CDT1: variants seen among roughly 807,000 people sequenced by gnomAD.
The protein encoded by CDT1 is DNA replication factor Cdt1.
Under a neutral mutation model 49.3 loss-of-function variants are expected in CDT1, and 66 were observed. That is an observed-to-expected ratio of 1.34 (90% CI 1.10 to 1.64). The LOEUF is 1.64. Among genes scored for constraint, CDT1 ranks in the 40% most tolerant of loss-of-function variants. The pLI is 0.00. For missense variants in CDT1, 958 were observed against 807.7 expected (o/e 1.19, Z -2.26); for synonymous variants, 424 against 347.4 (o/e 1.22, Z -2.45).
rs777208715 is a variant in CDT1 at position 88,806,038 on chromosome 16, C to G, written c.850C>G (p.Pro284Ala). The G allele has an allele frequency of 1.3e-6, 2 of 1,593,084 alleles. No individual in the cohort carries two copies. The highest frequency in any genetic ancestry group is 3.5e-5 in the Admixed American group (2 of 57,796). The change falls in exon 6 of 10, where the codon CCC (proline) becomes GCC (alanine). Residue 284 changes from proline (P) to alanine (A), a missense_variant. Pro to Ala is a conservative substitution (Grantham distance 27). Transcript: ENST00000301019. ...LLEQEADGAA[P>A]QLTASRLLQR... is the part of the protein sequence containing the mutation. Reference sequence around the variant, plus strand: ...TCCCACAGAGGCTGACGGAGCAGCCCCCCAGCTCACGGCCTCGCGCCTCCT... The same window carrying G: ...TCCCACAGAGGCTGACGGAGCAGCCGCCCAGCTCACGGCCTCGCGCCTCCT...
At chr16:88,805,919 T>C in intron 5 of CDT1, 50 bp downstream of exon 5, 2 of 1,605,084 alleles carry the variant, frequency 1.2e-6, no homozygotes, top group Non-Finnish European at 8.5e-7. Flanking sequence ...AGCCGCACAG[T>C]TTCCAGGGTG....
Position 88,807,134 on chromosome 16 carries a change from CCCA to C in CDT1, c.1210_1212del (p.Pro404del), listed in dbSNP as rs1423986989. ...CTCCCAGGCCAGCACTGCCGGCTAC[CCCA>C]CCAGCCACCCCGCCTGCAGCCTCTC... On this transcript the variant is annotated inframe_deletion, in exon 8 of 10. Coordinates refer to ENST00000301019, the MANE Select transcript of CDT1 (RefSeq NM_030928.4). 13 of 1,612,448 alleles carry C rather than the reference CCCA, an allele frequency of 8.1e-6. No individual in the cohort carries two copies. In the Admixed American group the frequency reaches 1.0e-4, roughly 12 times the overall value.
rs1272433692 is a variant in CDT1, at chr16:88,805,735, A to G, written c.698A>G (p.Glu233Gly). The change falls in exon 5 of 10, where the codon GAG (glutamate) becomes GGG (glycine). Residue 233 changes from glutamate to glycine, a missense_variant. Physicochemically the swap from Glu to Gly is moderately conservative, Grantham distance 98. Transcript: ENST00000301019. ...VQDMMRRRFE[E>G]CNVGQIKTVY... The stretch of plus-strand genomic sequence containing the variant: ...CCATCCTCCCATAGGCGTTTTGAGG[A>G]GTGCAATGTTGGCCAGATCAAAACC... 2 of 1,612,916 alleles carry G rather than the reference A, an allele frequency of 1.2e-6. No homozygotes were observed. Among genetic ancestry groups the G allele is most frequent in the Middle Eastern group, 1.7e-4 (1 of 6,058 alleles).
rs747863747 is a variant in CDT1 at position 88,806,140 on chromosome 16, C to G, written c.933+19C>G. ...CCACAAGGTGAGCGGCCCCCGGCCC[C>G]GCTGTGTGAAGATGGTGGCACCAGC... On this transcript the variant is annotated intron_variant, in intron 6 of 9. Transcript: ENST00000301019. 5 of 1,567,718 alleles carry G rather than the reference C, an allele frequency of 3.2e-6. No homozygotes were observed. The South Asian group carries it at 5.7e-5, about 18-fold the overall frequency.
chr16:88,806,112 G>A lies in CDT1; in HGVS notation c.924G>A (p.Glu308=), dbSNP rs1243343577. ...FSQKLVEHVK[E]HHKAFLASLS... Reference sequence around the variant, plus strand: ...AGAAGCTGGTGGAGCATGTCAAGGAGCACCACAAGGTGAGCGGCCCCCGGC... The same window carrying A: ...AGAAGCTGGTGGAGCATGTCAAGGAACACCACAAGGTGAGCGGCCCCCGGC... Residue 308 remains glutamate (E), a synonymous_variant, in exon 6 of 10, where the codon GAG becomes GAA. Coordinates refer to ENST00000301019, the MANE Select transcript of CDT1 (RefSeq NM_030928.4). 4.4e-6 allele frequency: 7 copies of A among 1,598,112 alleles called. No homozygotes were observed. Among genetic ancestry groups the A allele is most frequent in the Non-Finnish European group, 5.1e-6 (6 of 1,177,078 alleles).
chr16:88,806,173 C>T, intron 6 of CDT1, 52 bp downstream of exon 6: 2 of 1,422,044 alleles, frequency 1.4e-6, no homozygotes. Flanking sequence ...AGCACTGCCT[C>T]AGCACCTAAC....
chr16:88,806,710 G>A (rs750714791), intron 7 of CDT1, 36 bp downstream of exon 7: 27 of 1,560,956 alleles, frequency 1.7e-5, no homozygotes, highest in Admixed American at 9.3e-5. Context: ...CATTTCTCCC[G>A]GGTGGGTGGG....
intron 7 of CDT1, 137 bp downstream of exon 7, chr16:88,806,811 T>C: frequency 1.6e-6 from 2 of 1,245,456 alleles, no homozygotes; most frequent in African/African-American, 1.5e-5. Context: ...ATCCAGAGAG[T>C]TGGTGGCATT....
intron 9 of CDT1, 148 bp from the exon 10 acceptor site, chr16:88,807,967 C>T: frequency 3.4e-6 from 3 of 872,158 alleles, no homozygotes; most frequent in Non-Finnish European, 5.6e-6. Context: ...GGCCTCTGAT[C>T]AGAACCACCT....
At chr16:88,806,372 C>A in intron 6 of CDT1, 114 bp from the exon 7 acceptor site, 1 of 1,286,780 alleles carries the variant, frequency 7.8e-7, no homozygotes, top group Non-Finnish European at 1.1e-6. Flanking sequence ...TGGGCAGAGG[C>A]TGAGTGACTT....
chr16:88,806,319 G>A (rs988578334), intron 6 of CDT1, 167 bp from the exon 7 acceptor site: 24 of 1,012,520 alleles, frequency 2.4e-5, no homozygotes, highest in Admixed American at 1.6e-4. Flanking sequence ...TTCAGCGAGC[G>A]CGGACCATGG....
chr16:88,806,917 C>T (rs1567502290), intron 7 of CDT1, 134 bp from the exon 8 acceptor site: 2 of 1,286,530 alleles, frequency 1.6e-6, no homozygotes, highest in Non-Finnish European at 2.2e-6. Flanking sequence ...CACTGGGACA[C>T]TGCATTGACC....
rs1164255711 is a variant in CDT1, at chr16:88,805,329, G to C, written c.489-111G>C. The C allele has an allele frequency of 5.4e-6, 7 of 1,307,656 alleles. No individual in the cohort carries two copies. In the African/African-American group the frequency reaches 8.8e-5, roughly 16 times the overall value. 81.0% of individuals were successfully genotyped at this position (1,307,656 alleles called of 1,614,324 possible). Reference sequence around the variant, plus strand: ...GTGTGCAAGGGCCGCGAAAGCCATCGTGTGTGGCATGGCAGGCCCCATCGG... The same window carrying C: ...GTGTGCAAGGGCCGCGAAAGCCATCCTGTGTGGCATGGCAGGCCCCATCGG... On this transcript the variant is annotated intron_variant, in intron 3 of 9. Coordinates refer to ENST00000301019, the MANE Select transcript of CDT1 (RefSeq NM_030928.4).
rs749210361 is a variant in CDT1, at chr16:88,807,475, G to A, written c.1470G>A (p.Met490Ile). ...ARMVGSCCTI[M>I]SPGEMEKHLL... is the part of the protein sequence containing the mutation. The stretch of plus-strand genomic sequence containing the variant: ...TGGTGGGCAGCTGTTGTACTATCAT[G>A]AGCCCTGGTACGTGCAGGGCGGGGT... The change falls in exon 9 of 10, where the codon ATG becomes ATA. Residue 490 changes from methionine to isoleucine, a missense_variant. Met to Ile is a conservative substitution (Grantham distance 10, BLOSUM62 1). Coordinates refer to ENST00000301019, the MANE Select transcript of CDT1 (RefSeq NM_030928.4). 5.6e-6 allele frequency: 9 copies of A among 1,612,994 alleles called. No individual in the cohort carries two copies. Among genetic ancestry groups the A allele is most frequent in the Non-Finnish European group, 7.6e-6 (9 of 1,179,904 alleles).
At position 88,808,270 on chromosome 16, in the gene CDT1, G is replaced by A; in HGVS notation, c.1633G>A (p.Gly545Arg). The A allele has an allele frequency of 6.3e-7, 1 of 1,589,148 alleles. No individual in the cohort carries two copies. The highest frequency in any genetic ancestry group is 1.3e-5 in the African/African-American group (1 of 74,640). ...RLAHQTRAEEGL is the reference protein window; with the variant it reads ...RLAHQTRAEERL ...GGCCCACCAGACACGTGCTGAGGAG[G>A]GGCTGTGAGCCTGGGGGCCACTGTG... The change falls in exon 10 of 10, where the codon GGG becomes AGG. Residue 545 changes from glycine (G) to arginine (R), a missense_variant. Transcript: ENST00000301019.
intron 3 of CDT1, among the ~76,000 whole-genome samples, 171 bp downstream of exon 3, chr16:88,805,069 G>T (rs1760165175): frequency 6.6e-6 from 1 of 152,222 alleles, no homozygotes; most frequent in Admixed American, 6.5e-5. Flanking sequence ...CACTGCTGGC[G>T]CTGTGCCCTC....
At position 88,805,488 on chromosome 16, in the gene CDT1, C is replaced by G; in HGVS notation, c.537C>G (p.Pro179=). Residue 179 remains proline, a synonymous_variant, in exon 4 of 10, where the codon CCC becomes CCG. Coordinates refer to ENST00000301019, the MANE Select transcript of CDT1 (RefSeq NM_030928.4). ...AGCGCTTCCATGCCCTGGCCCAGCCCGGCCTGCCGGGACTCGTGCTGCCCT... is the reference window on the plus strand; with the variant it reads ...AGCGCTTCCATGCCCTGGCCCAGCCGGGCCTGCCGGGACTCGTGCTGCCCT... ...AYQRFHALAQ[P]GLPGLVLPYK... is the part of the protein sequence containing the mutation. 6.2e-7 allele frequency: 1 copy of G among 1,612,860 alleles called. No individual in the cohort carries two copies. Among genetic ancestry groups the G allele is most frequent in the Non-Finnish European group, 8.5e-7 (1 of 1,179,954 alleles).
Position 88,807,165 on chromosome 16 carries a change from A to G in CDT1, c.1237A>G (p.Ser413Gly), listed in dbSNP as rs1476945209. Residue 413 changes from serine (S) to glycine (G), a missense_variant, in exon 8 of 10, where the codon AGT becomes GGT. Ser to Gly is a moderately conservative substitution (Grantham distance 56). Coordinates refer to ENST00000301019, the MANE Select transcript of CDT1 (RefSeq NM_030928.4). ...PPATPPAASP[S>G]ALKGVSQDLL... is the part of the protein sequence containing the mutation. Reference sequence around the variant, plus strand: ...AGCCACCCCGCCTGCAGCCTCTCCCAGTGCTCTGAAGGGGGTGTCCCAGGA... The same window carrying G: ...AGCCACCCCGCCTGCAGCCTCTCCCGGTGCTCTGAAGGGGGTGTCCCAGGA... 5 of 1,612,428 alleles carry G rather than the reference A, an allele frequency of 3.1e-6. No homozygotes were observed. In the African/African-American group the frequency reaches 5.3e-5, roughly 17 times the overall value.
Position 88,804,537 on chromosome 16 carries a change from C to A in CDT1, c.229-8C>A. 6.2e-7 allele frequency: 1 copy of A among 1,611,612 alleles called. No individual in the cohort carries two copies. Among genetic ancestry groups the A allele is most frequent in the Non-Finnish European group, 8.5e-7 (1 of 1,179,134 alleles). ...TCATGAGTTCACCCTTGGGGTCCCT[C>A]CCACCAGGTTTCCAGCCCCAGTACC... On this transcript the variant is annotated splice_region_variant and splice_polypyrimidine_tract_variant and intron_variant, in intron 1 of 9. Coordinates refer to ENST00000301019, the MANE Select transcript of CDT1 (RefSeq NM_030928.4).
Sources: gnomAD v4.1 joint callset for allele counts (sites outside exome capture counted in the v4.1 genomes callset) on GRCh38, gnomAD v4.1.1 for gene constraint, MANE v1.5 for transcripts, NCBI Gene and HGNC (gene_info 2026-07-23, HGNC 2026-07-21) for gene names.